The following CA10 variants were observed in gnomAD, a reference collection of about 807,000 sequenced individuals.
CA10 encodes the protein carbonic anhydrase-related protein 10.
In CA10, 14 loss-of-function variants were observed where a neutral mutation model predicts 44.2. The ratio of observed to expected loss-of-function variants is 0.32; its 90% CI spans 0.21 to 0.50. The LOEUF is 0.50. Among genes scored for constraint, CA10 ranks in the 20% least tolerant of loss-of-function variants. The pLI is 0.99. For missense variants in CA10, 350 were observed against 409.7 expected, an observed-to-expected ratio of 0.85 and a Z score of 1.26; for synonymous variants, 159 against 141.6, an observed-to-expected ratio of 1.12 and a Z score of -0.87.
chr17:51,734,860 G>A (rs943071834), intron 4 of CA10, among the ~76,000 whole-genome samples: 2 of 152,148 alleles, frequency 1.3e-5, no homozygotes, highest in African/African-American at 4.8e-5. Context: ...TGGAGGATGG[G>A]GAGTCCAAGA....
intron 2 of CA10, among the ~76,000 whole-genome samples, chr17:52,023,153 G>T (rs79752891): frequency 5.9e-5 from 9 of 151,710 alleles, no homozygotes; most frequent in African/African-American, 2.2e-4. Context: ...ATGGCTAAAC[G>T]ATCCTAAGCA....
intron 4 of CA10, among the ~76,000 whole-genome samples, chr17:51,677,847 A>ACCATATGT (rs1340152240): frequency 6.6e-6 from 1 of 150,792 alleles, no homozygotes; most frequent in Non-Finnish European, 1.5e-5. Context: ...TAAACATACA[A>ACCATATGT]TTACCATATA....
At chr17:51,881,151 A>G (rs1980351397) in intron 3 of CA10, among the ~76,000 whole-genome samples, 1 of 151,674 alleles carries the variant, frequency 6.6e-6, no homozygotes, top group South Asian at 2.1e-4. Context: ...GAGGCAGAAG[A>G]ATGGCGTGAA....
chr17:51,906,471 C>A (rs904686664), intron 3 of CA10, among the ~76,000 whole-genome samples: 4 of 152,108 alleles, frequency 2.6e-5, no homozygotes, highest in African/African-American at 9.7e-5. Flanking sequence ...GCCTTCCCTG[C>A]CTGCCAATCT....
intron 2 of CA10, among the ~76,000 whole-genome samples, chr17:52,025,866 A>C (rs1440343608): frequency 2.0e-5 from 3 of 152,278 alleles, no homozygotes; most frequent in African/African-American, 7.2e-5. Flanking sequence ...TGGAACCCAT[A>C]TGGGAAAGGC....
intron 3 of CA10, among the ~76,000 whole-genome samples, chr17:51,878,890 A>G (rs200375934): frequency 0.37 from 5,621 of 15,124 alleles, 927 homozygotes; most frequent in African/African-American, 0.5. Context: ...ATATATATAT[A>G]TGGGTGTGTG....
intron 3 of CA10, among the ~76,000 whole-genome samples, chr17:51,875,856 T>C (rs1980048068): frequency 6.6e-6 from 1 of 152,218 alleles, no homozygotes; most frequent in Middle Eastern, 3.2e-3. Flanking sequence ...TGGAGACCGC[T>C]GATTGTTATC....
chr17:51,815,048 A>G (rs1907512499), intron 3 of CA10, among the ~76,000 whole-genome samples: 1 of 152,134 alleles, frequency 6.6e-6, no homozygotes, highest in Admixed American at 6.6e-5. Context: ...GACAGTACTA[A>G]ACACCAACAA....
At chr17:51,915,090 T>C (rs1419276760) in intron 3 of CA10, among the ~76,000 whole-genome samples, 1 of 152,204 alleles carries the variant, frequency 6.6e-6, no homozygotes, top group Non-Finnish European at 1.5e-5. Flanking sequence ...ATTACATACT[T>C]TGCTGCTAAC....
intron 3 of CA10, among the ~76,000 whole-genome samples, chr17:51,856,224 AT>A (rs1423923102): frequency 4.6e-5 from 7 of 152,182 alleles, no homozygotes; most frequent in Non-Finnish European, 7.3e-5. Context: ...ATCCTAATGT[AT>A]TAGATCTTTC....
chr17:52,099,216 G>T (rs528563858), intron 1 of CA10, among the ~76,000 whole-genome samples: 1 of 152,290 alleles, frequency 6.6e-6, no homozygotes, highest in Admixed American at 6.5e-5. Context: ...GCAGGAAAGA[G>T]CTTAATATGC....
At chr17:51,981,242 T>C (rs930076194) in intron 2 of CA10, among the ~76,000 whole-genome samples, 1 of 152,008 alleles carries the variant, frequency 6.6e-6, no homozygotes, top group Non-Finnish European at 1.5e-5. Flanking sequence ...GTATCTTTAT[T>C]GATCATAACC....
Position 52,062,910 on chromosome 17 carries a change from T to A in CA10, c.136+9409A>T, listed in dbSNP as rs149231807. 4.8e-3 allele frequency among the ~76,000 whole-genome samples: 729 copies of A among 152,330 alleles called. 4 individuals are homozygous for A. Among genetic ancestry groups the A allele is most frequent in the African/African-American group, 0.016 (675 of 41,576 alleles). On this transcript the variant is annotated intron_variant, in intron 2 of 8. Coordinates refer to ENST00000451037, the MANE Select transcript of CA10 (RefSeq NM_020178.5). ...TCAGACACCAGAATTATATAGCCAC[T>A]GGCAATGAGCCACACTAGCATGGAA...
At chr17:51,634,918 T>G (rs976997302) in intron 7 of CA10, among the ~76,000 whole-genome samples, 1 of 152,240 alleles carries the variant, frequency 6.6e-6, no homozygotes, top group African/African-American at 2.4e-5. Flanking sequence ...AATTAATGGC[T>G]ATCTTTTCCC....
intron 3 of CA10, among the ~76,000 whole-genome samples, chr17:51,822,572 T>C (rs1205143015): frequency 6.6e-6 from 1 of 152,228 alleles, no homozygotes; most frequent in Non-Finnish European, 1.5e-5. Context: ...GTTTAGGTGT[T>C]TACTGTCCTT....
intron 4 of CA10, among the ~76,000 whole-genome samples, chr17:51,705,032 T>C (rs1482638897): frequency 1.3e-5 from 2 of 151,974 alleles, no homozygotes; most frequent in African/African-American, 4.8e-5. Context: ...CATTCATCCC[T>C]GCAGTGGTGG....
chr17:51,725,603 T>C (rs1181574739), intron 4 of CA10, among the ~76,000 whole-genome samples: 1 of 152,190 alleles, frequency 6.6e-6, no homozygotes, highest in African/African-American at 2.4e-5. Context: ...GGCTGATTGA[T>C]AAAGAATGAT....
At chr17:51,946,464 C>T (rs1297172162) in intron 2 of CA10, among the ~76,000 whole-genome samples, 3 of 152,118 alleles carry the variant, frequency 2.0e-5, no homozygotes, top group Non-Finnish European at 2.9e-5. Flanking sequence ...TTTAGTCTGG[C>T]TTTGACTGCC....
At chr17:52,018,199 T>A (rs1423834167) in intron 2 of CA10, among the ~76,000 whole-genome samples, 2 of 152,082 alleles carry the variant, frequency 1.3e-5, no homozygotes, top group Non-Finnish European at 2.9e-5. Context: ...GGAGCCCCCA[T>A]ACAAAGTCCC....
Sources: gnomAD v4.1 joint callset for allele counts (sites outside exome capture counted in the v4.1 genomes callset) on GRCh38, gnomAD v4.1.1 for gene constraint, MANE v1.5 for transcripts, NCBI Gene and HGNC (gene_info 2026-07-23, HGNC 2026-07-21) for gene names.